The following GRID1 variants were observed in gnomAD, a reference collection of about 807,000 sequenced individuals.
GRID1 encodes glutamate ionotropic receptor delta type subunit 1.
GRID1 carries 28 observed loss-of-function variants against 98.0 expected under a neutral mutation model. That is an observed-to-expected ratio of 0.29 (90% confidence interval 0.21 to 0.39). The LOEUF is 0.39. Among genes scored for constraint, GRID1 ranks in the 10% least tolerant of loss-of-function variants. The pLI is 1.00. For synonymous variants in GRID1, 553 were observed against 538.5 expected (o/e 1.03, Z -0.37); for missense variants, 1,111 against 1,340.5 (o/e 0.83, Z 2.67).
chr10:85,640,336 A>C (rs547720830), intron 13 of GRID1, among the ~76,000 whole-genome samples: 9 of 152,326 alleles, frequency 5.9e-5, no homozygotes, highest in Admixed American at 2.0e-4. Context: ...GAAGCAGAGA[A>C]AGAACAGAAT....
At chr10:86,026,026 C>T (rs907932363) in intron 4 of GRID1, among the ~76,000 whole-genome samples, 17 of 152,346 alleles carry the variant, frequency 1.1e-4, no homozygotes, top group African/African-American at 3.8e-4. Flanking sequence ...ACAGCAAGAC[C>T]TTCACTGGCA....
intron 5 of GRID1, among the ~76,000 whole-genome samples, chr10:85,885,272 C>G (rs1480440703): frequency 1.3e-5 from 2 of 152,228 alleles, no homozygotes; most frequent in Non-Finnish European, 2.9e-5. Flanking sequence ...CGAAGCAAAA[C>G]TGTCCTTTTT....
intron 2 of GRID1, among the ~76,000 whole-genome samples, chr10:86,294,300 C>T (rs2132077252): frequency 6.6e-6 from 1 of 152,360 alleles, no homozygotes; most frequent in African/African-American, 2.4e-5. Flanking sequence ...GGCCTGGCGA[C>T]TCCTGTGTGG....
intron 2 of GRID1, among the ~76,000 whole-genome samples, chr10:86,301,955 A>C (rs972115170): frequency 1.3e-5 from 2 of 152,198 alleles, no homozygotes; most frequent in Non-Finnish European, 2.9e-5. Context: ...TTGCACCCCC[A>C]AAAATGGGCT....
intron 8 of GRID1, among the ~76,000 whole-genome samples, chr10:85,806,567 C>T (rs538139941): frequency 6.6e-6 from 1 of 151,954 alleles, no homozygotes; most frequent in Non-Finnish European, 1.5e-5. Flanking sequence ...AACAAATTTT[C>T]ATAAAATTGT....
At chr10:85,908,159 G>A (rs566727146) in intron 5 of GRID1, among the ~76,000 whole-genome samples, 29 of 152,202 alleles carry the variant, frequency 1.9e-4, no homozygotes, top group African/African-American at 6.7e-4. Context: ...ATTCAATATT[G>A]AACTGGAGGT....
At chr10:86,297,370 G>A (rs1254670746) in intron 2 of GRID1, among the ~76,000 whole-genome samples, 1 of 152,164 alleles carries the variant, frequency 6.6e-6, no homozygotes, top group Non-Finnish European at 1.5e-5. Context: ...ACAAGCCATG[G>A]GGAAAGGAAT....
chr10:85,701,899 C>T (rs913003492), intron 12 of GRID1, among the ~76,000 whole-genome samples: 1 of 152,050 alleles, frequency 6.6e-6, no homozygotes, highest in African/African-American at 2.4e-5. Flanking sequence ...ACCAAAATCT[C>T]ACTAATCACC....
chr10:86,175,618 A>G (rs1845564405), intron 3 of GRID1, among the ~76,000 whole-genome samples: 1 of 151,994 alleles, frequency 6.6e-6, no homozygotes, highest in Admixed American at 6.5e-5. Context: ...TGACACTCAC[A>G]CCAATGCACC....
chr10:85,667,320 G>C (rs865985434), intron 12 of GRID1, among the ~76,000 whole-genome samples: 3,273 of 141,960 alleles, frequency 0.023, 100 homozygotes, highest in African/African-American at 0.083. Context: ...CACACACAGA[G>C]AGAGAGAGAG....
At chr10:86,170,362 G>C (rs1845465452) in intron 3 of GRID1, among the ~76,000 whole-genome samples, 1 of 152,246 alleles carries the variant, frequency 6.6e-6, no homozygotes, top group African/African-American at 2.4e-5. Flanking sequence ...ACAAGCCTCA[G>C]TTGACTCCCC....
chr10:85,830,138 G>T (rs778088715), intron 8 of GRID1, among the ~76,000 whole-genome samples: 1 of 151,926 alleles, frequency 6.6e-6, no homozygotes, highest in Non-Finnish European at 1.5e-5. Context: ...AGAATAAAGA[G>T]CCCAGAAAGA....
intron 15 of GRID1, chr10:85,607,014 T>A (rs532731067): frequency 6.6e-6 from 1 of 152,180 alleles, no homozygotes; most frequent in Non-Finnish European, 1.5e-5. Context: ...GAATATGATA[T>A]AAAATTCACA....
intron 4 of GRID1, among the ~76,000 whole-genome samples, chr10:86,021,885 GCT>G (rs1843054186): frequency 6.6e-6 from 1 of 152,186 alleles, no homozygotes; most frequent in African/African-American, 2.4e-5. Context: ...GGGCTTACTA[GCT>G]CTTAGTCAGC....
chr10:85,888,445 A>G (rs1413735452), intron 5 of GRID1, among the ~76,000 whole-genome samples: 2 of 152,216 alleles, frequency 1.3e-5, no homozygotes, highest in Non-Finnish European at 2.9e-5. Context: ...AGAGAAGTCC[A>G]AAGTCCTAAG....
At chr10:85,747,238 C>A (rs994201600) in intron 8 of GRID1, among the ~76,000 whole-genome samples, 2 of 152,002 alleles carry the variant, frequency 1.3e-5, no homozygotes, top group African/African-American at 4.8e-5. Context: ...TTCCTATGCA[C>A]ATAGCAGTGA....
chr10:85,830,681 T>C (rs2131761243), intron 8 of GRID1, among the ~76,000 whole-genome samples: 1 of 152,160 alleles, frequency 6.6e-6, no homozygotes, highest in South Asian at 2.1e-4. Context: ...CAAAAGATGA[T>C]ATGCACATAG....
chr10:86,177,833 G>A (rs939808220), intron 3 of GRID1, among the ~76,000 whole-genome samples: 1 of 152,082 alleles, frequency 6.6e-6, no homozygotes, highest in Non-Finnish European at 1.5e-5. Context: ...GTGTGTGCAC[G>A]AGACAGACAG....
chr10:85,926,872 A>G (rs1841781241), intron 4 of GRID1, among the ~76,000 whole-genome samples: 1 of 152,246 alleles, frequency 6.6e-6, no homozygotes, highest in Non-Finnish European at 1.5e-5. Flanking sequence ...AGACAAAATT[A>G]GCCATAAAGA....
Sources: gnomAD v4.1 joint callset for allele counts (sites outside exome capture counted in the v4.1 genomes callset) on GRCh38, gnomAD v4.1.1 for gene constraint, MANE v1.5 for transcripts, NCBI Gene and HGNC (gene_info 2026-07-23, HGNC 2026-07-21) for gene names.